Variants in PARP15 observed in about 807,000 individuals in gnomAD.
The protein encoded by PARP15 is poly(ADP-ribose) polymerase family member 15, also known as protein mono-ADP-ribosyltransferase PARP15.
A neutral mutation model predicts 62.1 loss-of-function variants in PARP15; 50 were observed. The ratio of observed to expected loss-of-function variants is 0.81; its 90% CI spans 0.64 to 1.02. The LOEUF is 1.02. PARP15 is among the 50% of genes least tolerant of loss of function. The pLI is 0.00. For missense variants in PARP15, 820 were observed against 826.5 expected (o/e 0.99, Z 0.10); for synonymous variants, 309 against 293.1 (o/e 1.05, Z -0.55).
chr3:122,615,835 TC>T lies in PARP15; in HGVS notation c.831del (p.Met278TrpfsTer22), dbSNP rs1935927910. 6.2e-7 allele frequency: 1 copy of T among 1,613,232 alleles called. No individual in the cohort carries two copies. Among genetic ancestry groups the T allele is most frequent in the Admixed American group, 1.7e-5 (1 of 59,914 alleles). On this transcript the variant is annotated frameshift_variant, in exon 5 of 12. Coordinates refer to ENST00000464300, the MANE Select transcript of PARP15 (RefSeq NM_001113523.3). LOFTEE classifies it high-confidence loss of function. ...GAATAAATCCCAACAAGGCCAGGAT[TC>T]CCATGGCAGGAGATACCCAAGGTCT... ...SRINPNKARI[P>X]MAGDTQGVVG...
intron 7 of PARP15, among the ~76,000 whole-genome samples, chr3:122,620,497 G>A (rs1024423905): frequency 2.0e-5 from 3 of 152,122 alleles, no homozygotes; most frequent in Admixed American, 2.0e-4. Context: ...TCCCACAACC[G>A]ACCTGCTACA....
rs1449760561 is a variant in PARP15 at position 122,626,922 on chromosome 3, G to A, written c.1327G>A (p.Val443Ile). 6.2e-7 allele frequency: 1 copy of A among 1,613,910 alleles called. No individual in the cohort carries two copies. Among genetic ancestry groups the A allele is most frequent in the South Asian group, 1.1e-5 (1 of 91,044 alleles). ...SQHSTPSLKTVKVVIFQPELL... is the reference protein window; with the variant it reads ...SQHSTPSLKTIKVVIFQPELL... The stretch of plus-strand genomic sequence containing the variant: ...ACATTCCACCCCATCATTAAAAACA[G>A]TTAAAGTTGTCATTTTTCAACCTGA... The change falls in exon 9 of 12, where the codon GTT becomes ATT. Residue 443 changes from valine (V) to isoleucine (I), a missense_variant. By Grantham distance (29) the Val-to-Ile change is conservative (BLOSUM62 3). Around this residue, in one of 3 missense-constraint regions of PARP15, gnomAD observed 731 missense variants for 727.7 expected, o/e 1.00. Coordinates refer to ENST00000464300, the MANE Select transcript of PARP15 (RefSeq NM_001113523.3).
intron 1 of PARP15, among the ~76,000 whole-genome samples, chr3:122,586,537 G>C (rs1402904781): frequency 2.6e-5 from 4 of 152,070 alleles, no homozygotes; most frequent in Non-Finnish European, 4.4e-5. Flanking sequence ...AGAGATTAAG[G>C]CTTATTTCTA....
At chr3:122,607,411 T>A (rs534256362) in intron 2 of PARP15, among the ~76,000 whole-genome samples, 1 of 152,332 alleles carries the variant, frequency 6.6e-6, no homozygotes, top group African/African-American at 2.4e-5. Context: ...ATATCCATCT[T>A]ATGTCTCAGA....
chr3:122,598,784 A>T (rs1047315851), intron 1 of PARP15, among the ~76,000 whole-genome samples: 2 of 152,206 alleles, frequency 1.3e-5, no homozygotes, highest in African/African-American at 4.8e-5. Flanking sequence ...CAGCTTCAAG[A>T]CAGTCTCCCT....
intron 1 of PARP15, among the ~76,000 whole-genome samples, chr3:122,592,048 T>C (rs1933968201): frequency 6.6e-6 from 1 of 152,310 alleles, no homozygotes; most frequent in South Asian, 2.1e-4. Flanking sequence ...CTCAAAGATC[T>C]AGAACCAGAA....
In PARP15 at chr3:122,630,117, G is replaced by A. The variant is rs536317738; in HGVS notation, c.1439-1969G>A. ...GGCTCAGGAAAATGCCTAGCACATG[G>A]AAACACTTTTAAAAGGGTAGTTATC... On this transcript the variant is annotated intron_variant, in intron 9 of 11. Coordinates refer to ENST00000464300, the MANE Select transcript of PARP15 (RefSeq NM_001113523.3). Among the ~76,000 whole-genome samples, 25 of 152,238 alleles carry A rather than the reference G, an allele frequency of 1.6e-4. No homozygotes were observed. The South Asian group carries it at 3.3e-3, about 20-fold the overall frequency.
rs1937382155 is a variant in PARP15, at chr3:122,636,496, CG to C, written c.*398del. ...GTTAAACTGTACTGCTTAAGTGGAG[CG>C]GCTACCGTTATGCATCTATCACAGT... On this transcript the variant is annotated 3_prime_UTR_variant, in exon 12 of 12. Coordinates refer to ENST00000464300, the MANE Select transcript of PARP15 (RefSeq NM_001113523.3). The C allele has an allele frequency of 5.6e-6, 1 of 179,874 alleles. No individual in the cohort carries two copies. The highest frequency in any genetic ancestry group is 1.2e-5 in the Non-Finnish European group (1 of 83,910). The allele number at this position is 179,874 out of a possible 1,614,324, so 11.1% of individuals were successfully genotyped here. A position where few individuals can be genotyped will look rare whatever the true frequency, so the allele number is the denominator to read the frequency against.
intron 1 of PARP15, among the ~76,000 whole-genome samples, chr3:122,584,599 G>T (rs1277869552): frequency 1.6e-5 from 2 of 126,078 alleles, no homozygotes; most frequent in Admixed American, 9.1e-5. Context: ...CCGAGATGGA[G>T]TTTCACTCTT....
chr3:122,593,203 A>G (rs1158445517), intron 1 of PARP15, among the ~76,000 whole-genome samples: 1 of 151,880 alleles, frequency 6.6e-6, no homozygotes, highest in Admixed American at 6.6e-5. Flanking sequence ...CAGTGGCGCA[A>G]TCTCAGCTCA....
At chr3:122,616,872 G>A (rs1936008570) in intron 5 of PARP15, 143 bp from the exon 6 acceptor site, 1 of 822,438 alleles carries the variant, frequency 1.2e-6, no homozygotes, top group South Asian at 2.0e-5. Flanking sequence ...CTGTTTAAGA[G>A]GCCAGGAGAT....
At chr3:122,611,620 T>TGA (rs1935572104) in intron 3 of PARP15, among the ~76,000 whole-genome samples, 1 of 152,226 alleles carries the variant, frequency 6.6e-6, no homozygotes, top group South Asian at 2.1e-4. Context: ...ATTACAGGCA[T>TGA]GAGCTACTGT....
intron 8 of PARP15, among the ~76,000 whole-genome samples, chr3:122,624,006 C>A (rs1284152697): frequency 1.3e-5 from 2 of 152,024 alleles, no homozygotes; most frequent in African/African-American, 4.8e-5. Flanking sequence ...GAAAAATTAG[C>A]CAGGCGTGGT....
intron 1 of PARP15, among the ~76,000 whole-genome samples, chr3:122,598,940 T>G (rs555908899): frequency 1.7e-3 from 259 of 152,166 alleles, no homozygotes; most frequent in Middle Eastern, 3.4e-3. Flanking sequence ...CACCCTGGAG[T>G]GCAGGAGTGC....
Position 122,636,279 on chromosome 3 carries a change from G to T in PARP15, c.*179G>T. On this transcript the variant is annotated 3_prime_UTR_variant, in exon 12 of 12. Transcript: ENST00000464300. ...ATTTGTAGCATACCTTTTTTTCTCA[G>T]CAAATTGATGGGTGGAAGCTGAGAA... 1.7e-6 allele frequency: 1 copy of T among 603,292 alleles called. No homozygotes were observed. The highest frequency in any genetic ancestry group is 2.9e-6 in the Non-Finnish European group (1 of 350,810). The allele number at this position is 603,292 out of a possible 1,614,324, so 37.4% of individuals were successfully genotyped here. A position where few individuals can be genotyped will look rare whatever the true frequency, so the allele number is the denominator to read the frequency against.
chr3:122,594,549 T>A (rs2107486769), intron 1 of PARP15: 2 of 982,950 alleles, frequency 2.0e-6, no homozygotes, highest in African/African-American at 3.5e-5. Flanking sequence ...GTATTCAGGG[T>A]AGGCAACGTA....
At chr3:122,634,846 G>A (rs1937258341) in intron 10 of PARP15, among the ~76,000 whole-genome samples, 174 bp from the exon 11 acceptor site, 1 of 152,236 alleles carries the variant, frequency 6.6e-6, no homozygotes, top group South Asian at 2.1e-4. Context: ...TCTAAAGGCA[G>A]AAAGCTGCCT....
intron 1 of PARP15, among the ~76,000 whole-genome samples, chr3:122,605,734 C>A (rs116551426): frequency 2.0e-5 from 3 of 151,890 alleles, no homozygotes; most frequent in Non-Finnish European, 4.4e-5. Context: ...CCACTGAGCC[C>A]GGCTAATTTT....
intron 1 of PARP15, among the ~76,000 whole-genome samples, chr3:122,583,775 G>A (rs1933173437): frequency 6.6e-6 from 1 of 152,122 alleles, no homozygotes; most frequent in Admixed American, 6.5e-5. Flanking sequence ...TTTCTACTGT[G>A]GCTATTGAGA....
Sources: allele counts gnomAD v4.1 joint callset (sites outside exome capture counted in the v4.1 genomes callset), GRCh38; gene constraint gnomAD v4.1.1; regional missense constraint gnomAD v4.1.1; transcripts MANE v1.5; gene names NCBI Gene and HGNC (gene_info 2026-07-23, HGNC 2026-07-21).